Variants in SPARCL1 observed in about 807,000 individuals in gnomAD.
SPARCL1 encodes the protein SPARC-like protein 1.
Under a neutral mutation model 67.1 loss-of-function variants are expected in SPARCL1, and 52 were observed. The ratio of observed to expected loss-of-function variants is 0.78; its 90% CI spans 0.62 to 0.98. The LOEUF is 0.98. Among genes scored for constraint, SPARCL1 ranks in the 50% least tolerant of loss-of-function variants. The probability of loss-of-function intolerance (pLI) is 0.00; values close to 1 mark genes in which losing one functional copy is unlikely to be tolerated. For missense variants in SPARCL1, 717 were observed against 782.4 expected (o/e 0.92, Z 1.00); for synonymous variants, 226 against 267.8 (o/e 0.84, Z 1.52).
intron 10 of SPARCL1, 76 bp from the exon 11 acceptor site, chr4:87,473,879 G>A: frequency 2.0e-6 from 2 of 1,000,806 alleles, no homozygotes; most frequent in Non-Finnish European, 3.1e-6. Context: ...TTAGAGTTGG[G>A]GGATTAGAGA....
chr4:87,499,399 A>T, intron 2 of SPARCL1, 122 bp downstream of exon 2: 1 of 878,198 alleles, frequency 1.1e-6, no homozygotes, highest in South Asian at 1.6e-5. Context: ...GGCAATAAAG[A>T]ATATAATTAA....
At chr4:87,508,438 G>A (rs772495354) in intron 1 of SPARCL1, among the ~76,000 whole-genome samples, 10 of 151,694 alleles carry the variant, frequency 6.6e-5, no homozygotes, top group Non-Finnish European at 1.2e-4. Flanking sequence ...GGGCTCAAAC[G>A]ATTGTCCCAT....
intron 7 of SPARCL1, among the ~76,000 whole-genome samples, chr4:87,486,193 A>T (rs545913647): frequency 1.3e-5 from 2 of 151,766 alleles, no homozygotes; most frequent in East Asian, 1.9e-4. Flanking sequence ...GCTTTCTCTT[A>T]TGGGCATTTG....
Position 87,473,757 on chromosome 4 carries a change from G to A in SPARCL1, c.*18C>T, listed in dbSNP as rs1206971296. On this transcript the variant is annotated 3_prime_UTR_variant, in exon 11 of 11. Transcript: ENST00000282470. Reference sequence around the variant, plus strand: ...ACAGAGGAGGATGCTGGAAAGTTGAGTTCTTTAAAATCTTCGTTCAAAACA... The same window carrying A: ...ACAGAGGAGGATGCTGGAAAGTTGAATTCTTTAAAATCTTCGTTCAAAACA... The A allele has an allele frequency of 1.3e-6, 2 of 1,596,928 alleles. No individual in the cohort carries two copies. The highest frequency in any genetic ancestry group is 2.2e-5 in the South Asian group (2 of 89,978).
chr4:87,513,994 G>A (rs1164100545), intron 1 of SPARCL1, among the ~76,000 whole-genome samples: 1 of 152,172 alleles, frequency 6.6e-6, no homozygotes, highest in African/African-American at 2.4e-5. Flanking sequence ...AGGAGTTCGA[G>A]ACCAGCCTGT....
At chr4:87,514,474 AAAACAAAATTT>A in intron 1 of SPARCL1, among the ~76,000 whole-genome samples, 1 of 152,300 alleles carries the variant, frequency 6.6e-6, no homozygotes. Context: ...CCTGTAATTG[AAAACAAAATTT>A]AAACGCAGAG....
intron 10 of SPARCL1, among the ~76,000 whole-genome samples, chr4:87,478,462 G>A (rs1265662348): frequency 1.4e-5 from 2 of 146,446 alleles, no homozygotes; most frequent in African/African-American, 2.5e-5. Flanking sequence ...TTTTGAGACC[G>A]AGTCTCACTC....
chr4:87,500,264 C>T (rs1350226554), intron 1 of SPARCL1, among the ~76,000 whole-genome samples: 1 of 152,166 alleles, frequency 6.6e-6, no homozygotes, highest in Non-Finnish European at 1.5e-5. Flanking sequence ...GTAAGGGATG[C>T]TGGCGTTTGT....
chr4:87,479,660 T>C (rs760150171), intron 9 of SPARCL1, 82 bp from the exon 10 acceptor site: 15 of 1,391,970 alleles, frequency 1.1e-5, no homozygotes, highest in Non-Finnish European at 1.5e-5. Context: ...AGGACATTTT[T>C]CTCCCATAAG....
chr4:87,492,003 G>A (rs1037255982), intron 4 of SPARCL1, among the ~76,000 whole-genome samples: 7 of 146,696 alleles, frequency 4.8e-5, no homozygotes, highest in Admixed American at 7.0e-5. Context: ...CTGTGGTCCC[G>A]GTTACTCAGG....
At chr4:87,496,348 C>T (rs907676959) in intron 2 of SPARCL1, among the ~76,000 whole-genome samples, 1 of 152,092 alleles carries the variant, frequency 6.6e-6, no homozygotes, top group Non-Finnish European at 1.5e-5. Context: ...TCAGCCTCCC[C>T]AGTAACTGGG....
At chr4:87,517,219 C>T (rs574124156) in intron 1 of SPARCL1, among the ~76,000 whole-genome samples, 6 of 152,132 alleles carry the variant, frequency 3.9e-5, no homozygotes, top group South Asian at 4.2e-4. Flanking sequence ...CCAGGATAGA[C>T]GTGCCATAAA....
At chr4:87,478,244 ATTTAT>A (rs1723659146) in intron 10 of SPARCL1, among the ~76,000 whole-genome samples, 1 of 151,982 alleles carries the variant, frequency 6.6e-6, no homozygotes, top group African/African-American at 2.4e-5. Context: ...TTTCTTATTT[ATTTAT>A]TTTAATTGAC....
intron 1 of SPARCL1, among the ~76,000 whole-genome samples, chr4:87,521,836 T>A (rs12507414): frequency 6.6e-6 from 1 of 152,134 alleles, no homozygotes. Context: ...AGGTATCTTC[T>A]GTTGAATTTG....
At chr4:87,512,934 A>G (rs993418925) in intron 1 of SPARCL1, among the ~76,000 whole-genome samples, 1 of 152,194 alleles carries the variant, frequency 6.6e-6, no homozygotes, top group African/African-American at 2.4e-5. Context: ...TGGGGGCTTC[A>G]GCTCATTGTC....
At chr4:87,511,870 G>A (rs768714784) in intron 1 of SPARCL1, among the ~76,000 whole-genome samples, 6 of 151,910 alleles carry the variant, frequency 3.9e-5, no homozygotes, top group Admixed American at 6.6e-5. Flanking sequence ...GGAGAGTAAC[G>A]TGGTAGCTTA....
intron 1 of SPARCL1, among the ~76,000 whole-genome samples, chr4:87,509,289 G>T (rs1725249282): frequency 6.6e-6 from 1 of 152,208 alleles, no homozygotes; most frequent in South Asian, 2.1e-4. Context: ...GTTCTATCAG[G>T]TAAGCACATT....
chr4:87,496,676 C>T (rs1578103855), intron 2 of SPARCL1, among the ~76,000 whole-genome samples: 1 of 152,272 alleles, frequency 6.6e-6, no homozygotes, highest in African/African-American at 2.4e-5. Context: ...CACACTGTGT[C>T]AATAATATAA....
At position 87,481,066 on chromosome 4, in the gene SPARCL1, G is replaced by A. The variant is rs148100858; in HGVS notation, c.1669-546C>T. 5.5e-3 allele frequency among the ~76,000 whole-genome samples: 832 copies of A among 152,256 alleles called. 1 individual carries two copies. Among genetic ancestry groups the A allele is most frequent in the Middle Eastern group, 0.014 (4 of 294 alleles). On this transcript the variant is annotated intron_variant, in intron 8 of 10. Transcript: ENST00000282470. ...AGGCTCTCTGTGACAAGGTATTCAAGACGGGGGCTAGAAATTATTCTTGAG... is the reference window on the plus strand; with the variant it reads ...AGGCTCTCTGTGACAAGGTATTCAAAACGGGGGCTAGAAATTATTCTTGAG...
Sources: gnomAD v4.1 joint callset for allele counts (sites outside exome capture counted in the v4.1 genomes callset) on GRCh38, gnomAD v4.1.1 for gene constraint, MANE v1.5 for transcripts, NCBI Gene and HGNC (gene_info 2026-07-23, HGNC 2026-07-21) for gene names.